Variants in PHF24 observed in about 807,000 individuals in gnomAD.
PHF24 encodes the protein PHD finger protein 24, also known as Galpha inhibitory interacting protein.
In PHF24, 25 loss-of-function variants were observed where a neutral mutation model predicts 42.6. The ratio of observed to expected loss-of-function variants is 0.59; its 90% CI spans 0.43 to 0.82. The LOEUF (loss-of-function observed/expected upper bound fraction) is 0.82. Ranked by LOEUF, PHF24 falls within the 40% of genes least tolerant of loss-of-function variation. The pLI is 0.00. For synonymous variants in PHF24, 185 were observed against 204.8 expected (o/e 0.90, Z 0.83); for missense variants, 470 against 538.1 (o/e 0.87, Z 1.25).
At chr9:34,783,737 A>G in the PHF24 span, among the ~76,000 whole-genome samples, 1 of 152,238 alleles carries the variant, frequency 6.6e-6, no homozygotes, top group Admixed American at 6.5e-5. Flanking sequence ...CAGATTACAG[A>G]AAATGTAATA....
chr9:34,677,740 T>C, the PHF24 span, among the ~76,000 whole-genome samples: 1 of 152,164 alleles, frequency 6.6e-6, no homozygotes, highest in Non-Finnish European at 1.5e-5. Flanking sequence ...AGATTAAATC[T>C]TTCACAGCAC....
chr9:34,803,219 T>G, the PHF24 span, among the ~76,000 whole-genome samples: 15 of 152,284 alleles, frequency 9.9e-5, no homozygotes, highest in Non-Finnish European at 2.1e-4. Context: ...TAGCATCATC[T>G]CAGGTGGATG....
the PHF24 span, among the ~76,000 whole-genome samples, chr9:34,863,681 A>G: frequency 1.5e-4 from 23 of 152,334 alleles, no homozygotes; most frequent in African/African-American, 5.1e-4. Context: ...ACAGGTACCA[A>G]CAAGCCCAGA....
intron 1 of PHF24, among the ~76,000 whole-genome samples, chr9:34,962,388 A>C: frequency 1.3e-5 from 2 of 148,954 alleles, no homozygotes; most frequent in Non-Finnish European, 1.5e-5. Flanking sequence ...CACTGATGTA[A>C]CTCCTACTCA....
the PHF24 span, among the ~76,000 whole-genome samples, chr9:34,872,461 G>C: frequency 2.0e-5 from 3 of 149,318 alleles, no homozygotes; most frequent in African/African-American, 7.4e-5. Context: ...GCGGTGTCTG[G>C]TTTTTTGTTC....
the PHF24 span, among the ~76,000 whole-genome samples, chr9:34,698,729 C>T: frequency 1.3e-5 from 2 of 152,182 alleles, no homozygotes; most frequent in African/African-American, 4.8e-5. Flanking sequence ...ATCCACCTGC[C>T]TCGGCCTCCC....
At chr9:34,948,891 A>G in the PHF24 span, among the ~76,000 whole-genome samples, 1 of 152,240 alleles carries the variant, frequency 6.6e-6, no homozygotes, top group African/African-American at 2.4e-5. Context: ...GACCGACTAT[A>G]TTAACATTAG....
the PHF24 span, among the ~76,000 whole-genome samples, chr9:34,670,416 G>A: frequency 1.4e-3 from 207 of 152,316 alleles, 7 homozygotes; most frequent in East Asian, 0.034. Context: ...CTAACTCTAC[G>A]TGGCTAGTGT....
the PHF24 span, among the ~76,000 whole-genome samples, chr9:34,702,282 A>T: frequency 1.3e-5 from 2 of 152,204 alleles, no homozygotes; most frequent in Non-Finnish European, 2.9e-5. Context: ...TTCCTGTAGC[A>T]GACAGAGGAC....
At chr9:34,920,046 A>G in the PHF24 span, among the ~76,000 whole-genome samples, 1 of 152,094 alleles carries the variant, frequency 6.6e-6, no homozygotes, top group Non-Finnish European at 1.5e-5. Context: ...TGATATACTA[A>G]TTTTCTTTCT....
chr9:34,835,978 G>C, the PHF24 span: 1 of 707,284 alleles, frequency 1.4e-6, no homozygotes, highest in Admixed American at 2.0e-5. Flanking sequence ...CAGAGCCATA[G>C]CATTGCAAAT....
the PHF24 span, among the ~76,000 whole-genome samples, chr9:34,797,404 C>A: frequency 6.6e-6 from 1 of 152,116 alleles, no homozygotes; most frequent in Non-Finnish European, 1.5e-5. Context: ...TTGGATCACA[C>A]CGGGGCTTGG....
chr9:34,683,007 C>G, the PHF24 span, among the ~76,000 whole-genome samples: 3 of 151,490 alleles, frequency 2.0e-5, no homozygotes. Context: ...AACAAGTTGT[C>G]AAATAAAAAA....
At chr9:34,942,705 A>G in the PHF24 span, among the ~76,000 whole-genome samples, 1 of 152,020 alleles carries the variant, frequency 6.6e-6, no homozygotes, top group African/African-American at 2.4e-5. Flanking sequence ...TTACAGGGAC[A>G]TGGATGAAGC....
At chr9:34,856,360 T>C in the PHF24 span, among the ~76,000 whole-genome samples, 3 of 152,230 alleles carry the variant, frequency 2.0e-5, no homozygotes, top group African/African-American at 7.2e-5. Context: ...CTCTATCTTT[T>C]TGAGTTTTCA....
chr9:34,779,654 T>C, the PHF24 span, among the ~76,000 whole-genome samples: 2 of 152,228 alleles, frequency 1.3e-5, 1 homozygote, highest in South Asian at 4.1e-4. Flanking sequence ...TTTACTGGCA[T>C]AGTAGACATA....
At chr9:34,808,025 G>C in the PHF24 span, among the ~76,000 whole-genome samples, 1 of 152,250 alleles carries the variant, frequency 6.6e-6, no homozygotes, top group Middle Eastern at 3.4e-3. Context: ...ACACACTTAA[G>C]ATCCTTGCAA....
chr9:34,922,135 G>A, the PHF24 span: 1 of 1,467,520 alleles, frequency 6.8e-7, no homozygotes, highest in Non-Finnish European at 9.4e-7. Flanking sequence ...ATGACAAATG[G>A]TCTACTGTGT....
chr9:34,752,443 T>G, the PHF24 span, among the ~76,000 whole-genome samples: 1 of 152,028 alleles, frequency 6.6e-6, no homozygotes, highest in Admixed American at 6.6e-5. Flanking sequence ...CTAGGAGAAA[T>G]GGATAAATTC....
Sources: allele counts gnomAD v4.1 joint callset (sites outside exome capture counted in the v4.1 genomes callset), GRCh38; gene constraint gnomAD v4.1.1; transcripts MANE v1.5; gene names NCBI Gene and HGNC (gene_info 2026-07-23, HGNC 2026-07-21).